The following ACSBG1 variants were observed in gnomAD, a reference collection of about 807,000 sequenced individuals.
ACSBG1 encodes the protein acyl-CoA synthetase bubblegum family member 1, also known as long-chain-fatty-acid--CoA ligase ACSBG1.
Under a neutral mutation model 80.2 loss-of-function variants are expected in ACSBG1, and 39 were observed. That is an observed-to-expected ratio of 0.49 (90% CI 0.38 to 0.64). The LOEUF (loss-of-function observed/expected upper bound fraction) is 0.64, where lower values mean the gene tolerates loss of function less well. Among genes scored for constraint, ACSBG1 ranks in the 30% least tolerant of loss-of-function variants. ACSBG1 has a pLI of 0.00. For synonymous variants in ACSBG1, 392 were observed against 379.5 expected (o/e 1.03, Z -0.38); for missense variants, 828 against 966.4 (o/e 0.86, Z 1.90).
rs189042569 is a variant in ACSBG1 at position 78,190,504 on chromosome 15, G to T, written c.663+3002C>A. On this transcript the variant is annotated intron_variant, in intron 5 of 13. Transcript: ENST00000258873. ...GAGGATTGCTTGAGCCCAGGAGGTT[G>T]AGGCTGCAGTGAGCCATGATTGCAC... Among the ~76,000 whole-genome samples the T allele has an allele frequency of 2.7e-4, 40 of 147,314 alleles. 1 individual carries two copies. In the East Asian group the frequency reaches 8.3e-3, roughly 31 times the overall value.
chr15:78,191,460 A>G (rs570656670), intron 5 of ACSBG1, among the ~76,000 whole-genome samples: 7 of 152,312 alleles, frequency 4.6e-5, no homozygotes, highest in Non-Finnish European at 4.4e-5. Flanking sequence ...CAGAGTACAC[A>G]TTCTTTCAAA....
intron 1 of ACSBG1, chr15:78,226,416 A>C (rs1258203527): frequency 6.6e-6 from 1 of 152,402 alleles, no homozygotes; most frequent in East Asian, 1.9e-4. Context: ...ACAATCTTGT[A>C]GGGGGAAATA....
chr15:78,207,925 A>ACCCCCC, intron 2 of ACSBG1, 77 bp downstream of exon 2: 6 of 454,978 alleles, frequency 1.3e-5, no homozygotes, highest in East Asian at 1.2e-4. Flanking sequence ...GGTCCCCCAC[A>ACCCCCC]CCACCCACCC....
At chr15:78,217,768 C>T (rs1304452138) in intron 1 of ACSBG1, among the ~76,000 whole-genome samples, 10 of 151,864 alleles carry the variant, frequency 6.6e-5, no homozygotes, top group African/African-American at 1.9e-4. Flanking sequence ...GGTTTCACTA[C>T]GTTGGTCAGG....
intron 1 of ACSBG1, among the ~76,000 whole-genome samples, chr15:78,222,652 AAAT>A (rs1463820909): frequency 3.9e-5 from 6 of 152,242 alleles, no homozygotes; most frequent in Non-Finnish European, 7.3e-5. Flanking sequence ...TCCTGTCGCA[AAAT>A]AATAACTAGA....
At chr15:78,227,687 T>A (rs1438058480) in intron 1 of ACSBG1, among the ~76,000 whole-genome samples, 1 of 152,186 alleles carries the variant, frequency 6.6e-6, no homozygotes, top group Non-Finnish European at 1.5e-5. Flanking sequence ...TATACAAGAA[T>A]TTCATAGCAG....
At chr15:78,218,521 G>A (rs1162032315) in intron 1 of ACSBG1, among the ~76,000 whole-genome samples, 5 of 152,134 alleles carry the variant, frequency 3.3e-5, no homozygotes, top group African/African-American at 1.2e-4. Context: ...GGCCTTTTAG[G>A]GGAATATTAT....
At chr15:78,208,140 A>G (rs777653117) in intron 1 of ACSBG1, 38 bp from the exon 2 acceptor site, 4 of 1,550,482 alleles carry the variant, frequency 2.6e-6, no homozygotes, top group South Asian at 1.1e-5. Flanking sequence ...CATTCATTAG[A>G]ACGTGGGGGA....
At chr15:78,232,097 T>C (rs2075451348) in intron 1 of ACSBG1, among the ~76,000 whole-genome samples, 1 of 152,066 alleles carries the variant, frequency 6.6e-6, no homozygotes, top group Non-Finnish European at 1.5e-5. Flanking sequence ...CTGCTAAGAG[T>C]GTTGCTATGA....
chr15:78,182,186 C>A, intron 7 of ACSBG1, 41 bp from the exon 8 acceptor site: 1 of 1,589,850 alleles, frequency 6.3e-7, no homozygotes, highest in South Asian at 1.1e-5. Flanking sequence ...GTCCACAAGC[C>A]AGCCCTGGCG....
chr15:78,193,917 GC>G lies in ACSBG1; in HGVS notation c.542+14del. ...CCAACCCCCTGGAGACCCCGTCCCT[GC>G]CCCCGCCACTCACCCTGCAAATACT... On this transcript the variant is annotated intron_variant, in intron 4 of 13. Transcript: ENST00000258873. 6.2e-7 allele frequency: 1 copy of G among 1,613,102 alleles called. No homozygotes were observed. The highest frequency in any genetic ancestry group is 1.3e-5 in the African/African-American group (1 of 74,944).
chr15:78,230,755 C>A (rs1422453555), intron 1 of ACSBG1, among the ~76,000 whole-genome samples: 1 of 152,196 alleles, frequency 6.6e-6, no homozygotes, highest in Non-Finnish European at 1.5e-5. Flanking sequence ...GTGAGATGTG[C>A]CTTTCGTCTT....
intron 11 of ACSBG1, chr15:78,174,796 C>A (rs2074866756): frequency 4.1e-6 from 2 of 484,414 alleles, no homozygotes; most frequent in South Asian, 2.4e-5. Flanking sequence ...TCCATGGCCC[C>A]CTTCTGCCAG....
intron 5 of ACSBG1, among the ~76,000 whole-genome samples, chr15:78,190,099 A>G (rs2075043807): frequency 6.6e-6 from 1 of 152,154 alleles, no homozygotes; most frequent in African/African-American, 2.4e-5. Context: ...TTCCTTCTTT[A>G]AAATTTTCTC....
intron 2 of ACSBG1, among the ~76,000 whole-genome samples, chr15:78,200,200 G>A (rs575783783): frequency 6.6e-6 from 1 of 152,282 alleles, no homozygotes; most frequent in East Asian, 1.9e-4. Context: ...CCTGGAAGGA[G>A]GGAATGAGGC....
Position 78,181,987 on chromosome 15 carries a change from G to T in ACSBG1, c.1053C>A (p.Ala351=). Reference sequence around the variant, plus strand: ...GACTGACCTTCAGGGCGTCGGGTTCGGCAAAGCAAACCTGGGCCCCCCACT... The same window carrying T: ...GACTGACCTTCAGGGCGTCGGGTTCTGCAAAGCAAACCTGGGCCCCCCACT... The part of the protein sequence containing the change: ...GIQWGAQVCF[A]EPDALKGSLV... The change falls in exon 8 of 14, where the codon GCC becomes GCA. Residue 351 remains alanine, a synonymous_variant. Coordinates refer to ENST00000258873, the MANE Select transcript of ACSBG1 (RefSeq NM_015162.5). 6.2e-7 allele frequency: 1 copy of T among 1,613,996 alleles called. No homozygotes were observed. The highest frequency in any genetic ancestry group is 1.1e-5 in the South Asian group (1 of 91,070).
At chr15:78,188,057 C>T (rs35547526) in intron 5 of ACSBG1, among the ~76,000 whole-genome samples, 2 of 151,948 alleles carry the variant, frequency 1.3e-5, no homozygotes, top group South Asian at 2.1e-4. Context: ...TCAAATCATG[C>T]GTGAACTCCC....
At chr15:78,209,356 G>T in intron 1 of ACSBG1, 1 of 432,472 alleles carries the variant, frequency 2.3e-6, no homozygotes, top group Non-Finnish European at 4.7e-6. Flanking sequence ...TGCGAAATTT[G>T]TGAGCAAGGC....
At chr15:78,213,140 G>C (rs1397982230) in intron 1 of ACSBG1, among the ~76,000 whole-genome samples, 4 of 152,142 alleles carry the variant, frequency 2.6e-5, no homozygotes, top group Non-Finnish European at 4.4e-5. Flanking sequence ...CCCCAAACAG[G>C]GAGAGCAATG....
Sources: gnomAD v4.1 joint callset for allele counts (sites outside exome capture counted in the v4.1 genomes callset) on GRCh38, gnomAD v4.1.1 for gene constraint, MANE v1.5 for transcripts, NCBI Gene and HGNC (gene_info 2026-07-23, HGNC 2026-07-21) for gene names.